The following ARK2C variants were observed in gnomAD, a reference collection of about 807,000 sequenced individuals.
ARK2C encodes arkadia (RNF111) C-terminal like ring finger ubiquitin ligase 2C.
the ARK2C span, among the ~76,000 whole-genome samples, chr18:46,378,802 C>T: frequency 5.3e-5 from 8 of 152,116 alleles, no homozygotes; most frequent in African/African-American, 1.2e-4. Context: ...TGGAGAGGAG[C>T]GCTGCTATGG....
chr18:46,415,232 G>A, the ARK2C span, among the ~76,000 whole-genome samples: 1 of 152,200 alleles, frequency 6.6e-6, no homozygotes, highest in African/African-American at 2.4e-5. Context: ...GTAAGTTGCT[G>A]AAGGAAGGCG....
At chr18:46,364,773 G>A in the ARK2C span, among the ~76,000 whole-genome samples, 6 of 152,258 alleles carry the variant, frequency 3.9e-5, no homozygotes, top group East Asian at 3.9e-4. Context: ...AGGATCGCAC[G>A]GCCACCGAGG....
At chr18:46,357,626 TG>T in the ARK2C span, among the ~76,000 whole-genome samples, 1 of 152,058 alleles carries the variant, frequency 6.6e-6, no homozygotes, top group African/African-American at 2.4e-5. Flanking sequence ...TCTCTTTCTG[TG>T]GGGCACTGGG....
At chr18:46,421,825 G>A in the ARK2C span, among the ~76,000 whole-genome samples, 2 of 152,176 alleles carry the variant, frequency 1.3e-5, no homozygotes, top group Admixed American at 1.3e-4. Flanking sequence ...TGTTTTGAGA[G>A]CAGGAATTCA....
chr18:46,336,113 C>A, the ARK2C span: 2 of 985,168 alleles, frequency 2.0e-6, no homozygotes, highest in Non-Finnish European at 2.4e-6. Context: ...TGAAATGCCA[C>A]CCCCTCTCTC....
chr18:46,397,506 GGTCATGC>G, the ARK2C span, among the ~76,000 whole-genome samples: 2 of 124,542 alleles, frequency 1.6e-5, no homozygotes, highest in African/African-American at 3.3e-5. Flanking sequence ...GTGTGTGTGT[GGTCATGC>G]TGAGGTGTGA....
chr18:46,404,376 C>T, the ARK2C span, among the ~76,000 whole-genome samples: 3 of 152,160 alleles, frequency 2.0e-5, no homozygotes, highest in Non-Finnish European at 4.4e-5. Flanking sequence ...GACAGGAAGA[C>T]ATGAGCAGGT....
chr18:46,450,138 C>T, the ARK2C span, among the ~76,000 whole-genome samples: 1 of 152,100 alleles, frequency 6.6e-6, no homozygotes, highest in East Asian at 1.9e-4. Context: ...AGGCTTGGTT[C>T]TTGATGAAAG....
the ARK2C span, among the ~76,000 whole-genome samples, chr18:46,361,642 A>G: frequency 6.6e-6 from 1 of 152,192 alleles, no homozygotes; most frequent in Admixed American, 6.5e-5. Context: ...AATATACATG[A>G]TTATGGCAGG....
the ARK2C span, chr18:46,456,770 G>T: frequency 1.4e-6 from 1 of 716,912 alleles, no homozygotes; most frequent in South Asian, 1.6e-5. Flanking sequence ...GTGGAAAGAG[G>T]AGTTGGTGGT....
chr18:46,460,416 G>C, the ARK2C span: 1 of 152,306 alleles, frequency 6.6e-6, no homozygotes, highest in Non-Finnish European at 1.5e-5. Flanking sequence ...CACGTTGCTA[G>C]TTTACAGGGT....
At chr18:46,347,037 A>C in the ARK2C span, among the ~76,000 whole-genome samples, 2 of 152,190 alleles carry the variant, frequency 1.3e-5, no homozygotes, top group Non-Finnish European at 1.5e-5. Flanking sequence ...GTGGCCTAGC[A>C]GGGAGATATC....
At chr18:46,382,983 T>TC in the ARK2C span, among the ~76,000 whole-genome samples, 1 of 152,090 alleles carries the variant, frequency 6.6e-6, no homozygotes, top group Non-Finnish European at 1.5e-5. Context: ...TAATACTCAC[T>TC]CCCCCCACCC....
At chr18:46,358,424 C>A in the ARK2C span, among the ~76,000 whole-genome samples, 3 of 152,188 alleles carry the variant, frequency 2.0e-5, no homozygotes, top group African/African-American at 7.2e-5. Context: ...CTCAGAGCTG[C>A]CCTCTGGGAC....
chr18:46,336,086 G>A, the ARK2C span: 8 of 985,240 alleles, frequency 8.1e-6, no homozygotes, highest in Non-Finnish European at 9.6e-6. Context: ...AAAGAGGGGG[G>A]CTGGATGCGA....
the ARK2C span, among the ~76,000 whole-genome samples, chr18:46,393,269 G>A: frequency 6.6e-6 from 1 of 152,190 alleles, no homozygotes; most frequent in Non-Finnish European, 1.5e-5. Context: ...TTAAGTTTGC[G>A]GAAAACTTTG....
At chr18:46,411,311 A>G in the ARK2C span, among the ~76,000 whole-genome samples, 1 of 152,222 alleles carries the variant, frequency 6.6e-6, no homozygotes, top group African/African-American at 2.4e-5. Context: ...TTATGGTGGC[A>G]TTGGCTGGAG....
the ARK2C span, among the ~76,000 whole-genome samples, chr18:46,377,764 A>G: frequency 7.9e-5 from 12 of 152,218 alleles, no homozygotes; most frequent in Non-Finnish European, 1.5e-4. Flanking sequence ...TGTGAGATGA[A>G]TAGGAGTTTG....
the ARK2C span, among the ~76,000 whole-genome samples, chr18:46,420,531 C>T: frequency 6.6e-6 from 1 of 152,176 alleles, no homozygotes; most frequent in Non-Finnish European, 1.5e-5. Flanking sequence ...CAGGTAGCCA[C>T]CCTAGCATGT....
Sources: gnomAD v4.1 joint callset for allele counts (sites outside exome capture counted in the v4.1 genomes callset) on GRCh38, gnomAD v4.1.1 for gene constraint, MANE v1.5 for transcripts, NCBI Gene and HGNC (gene_info 2026-07-23, HGNC 2026-07-21) for gene names.